Variants in NAV2 observed in about 807,000 individuals in gnomAD.
NAV2 encodes neuron navigator 2.
A neutral mutation model predicts 223.2 loss-of-function variants in NAV2; 54 were observed. That is an observed-to-expected ratio of 0.24 (90% CI 0.19 to 0.30). The LOEUF is 0.30. NAV2 is among the 10% of genes least tolerant of loss of function. The pLI is 1.00. For missense variants in NAV2, 2,806 were observed against 3,147.5 expected, an observed-to-expected ratio of 0.89 and a Z score of 2.60; for synonymous variants, 1,279 against 1,239.3, an observed-to-expected ratio of 1.03 and a Z score of -0.67.
chr11:20,118,630 G>A lies in NAV2; in HGVS notation c.*372G>A. 5.7e-6 allele frequency: 1 copy of A among 174,958 alleles called. No individual in the cohort carries two copies. Among genetic ancestry groups the A allele is most frequent in the Non-Finnish European group, 1.2e-5 (1 of 83,314 alleles). 10.8% of individuals were successfully genotyped at this position (174,958 alleles called of 1,614,324 possible). On this transcript the variant is annotated 3_prime_UTR_variant, in exon 38 of 38. Transcript: ENST00000349880. ...CCACATGAAGCTCTGAAACCAAACAGCATCCTGCCATGAGCTTCCCAGAGA... is the reference window on the plus strand; with the variant it reads ...CCACATGAAGCTCTGAAACCAAACAACATCCTGCCATGAGCTTCCCAGAGA...
intron 1 of NAV2, among the ~76,000 whole-genome samples, chr11:19,585,807 G>T (rs564825304): frequency 5.5e-4 from 84 of 152,236 alleles, no homozygotes; most frequent in Non-Finnish European, 9.9e-4. Flanking sequence ...CTGGCTGCCC[G>T]TAACATTTTT....
chr11:19,689,397 A>G (rs1053459821), intron 1 of NAV2, among the ~76,000 whole-genome samples: 3 of 152,224 alleles, frequency 2.0e-5, no homozygotes, highest in African/African-American at 7.2e-5. Context: ...GTTGGGGAAG[A>G]GGACTGCAAG....
At chr11:19,902,587 C>T (rs1162689825) in intron 6 of NAV2, among the ~76,000 whole-genome samples, 1 of 152,188 alleles carries the variant, frequency 6.6e-6, no homozygotes, top group Non-Finnish European at 1.5e-5. Context: ...AGTTGATGTT[C>T]ATCCGATCTT....
Position 20,095,798 on chromosome 11 carries a change from A to G in NAV2, c.6012+31A>G, listed in dbSNP as rs769512690. 5 of 1,529,242 alleles carry G rather than the reference A, an allele frequency of 3.3e-6. No individual in the cohort carries two copies. In the South Asian group the frequency reaches 5.6e-5, roughly 17 times the overall value. The allele number at this position is 1,529,242 out of a possible 1,614,324, so 94.7% of individuals were successfully genotyped here. On this transcript the variant is annotated intron_variant, in intron 30 of 37. Transcript: ENST00000349880. ...TGTTTCAAGACAACGGCTACAGCAT[A>G]CTACCTAACATGGGCATCCGGGCCT...
chr11:19,442,471 G>A (rs189816237), intron 1 of NAV2, among the ~76,000 whole-genome samples: 188 of 152,354 alleles, frequency 1.2e-3, no homozygotes, highest in African/African-American at 4.0e-3. Flanking sequence ...ACACAGAGGA[G>A]GGCTTTCCCC....
intron 1 of NAV2, chr11:19,506,171 A>C (rs2043117939): frequency 6.6e-6 from 1 of 152,320 alleles, no homozygotes. Flanking sequence ...TGTATCACCC[A>C]GTCCTAATGG....
At chr11:19,768,012 G>T (rs1471813186) in intron 1 of NAV2, among the ~76,000 whole-genome samples, 1 of 152,240 alleles carries the variant, frequency 6.6e-6, no homozygotes, top group Non-Finnish European at 1.5e-5. Context: ...AGCTCTAAGA[G>T]CTAAGGGTTC....
At chr11:19,715,430 G>A (rs562026613) in intron 1 of NAV2, among the ~76,000 whole-genome samples, 4 of 152,232 alleles carry the variant, frequency 2.6e-5, no homozygotes, top group African/African-American at 9.6e-5. Flanking sequence ...TCTGCATGGG[G>A]TTTCCCTTCA....
At position 19,933,005 on chromosome 11, in the gene NAV2, G is replaced by A. The variant is rs2045529502; in HGVS notation, c.932-171G>A. On this transcript the variant is annotated intron_variant, in intron 6 of 37. Coordinates refer to ENST00000349880, the MANE Select transcript of NAV2 (RefSeq NM_145117.5). This position sits in a 1 kb window ranked among gnomAD's most constrained non-coding sequence, Gnocchi z 4.3. ...AACTGTGCAGTATGGAAAGCAGGAG[G>A]AAGTCAAGCCAGAAATTAAAACCTA... Among the ~76,000 whole-genome samples the A allele has an allele frequency of 1.3e-5, 2 of 152,316 alleles. No homozygotes were observed. The highest frequency in any genetic ancestry group is 4.1e-4 in the South Asian group (2 of 4,824).
intron 8 of NAV2, among the ~76,000 whole-genome samples, chr11:19,941,092 G>A (rs1332209877): frequency 6.6e-6 from 1 of 152,166 alleles, no homozygotes; most frequent in Non-Finnish European, 1.5e-5. Flanking sequence ...GTCAGATGCT[G>A]AGTCTCAGCA....
intron 20 of NAV2, 25 bp from the exon 21 acceptor site, chr11:20,068,161 A>C (rs111771679): frequency 9.9e-6 from 16 of 1,612,066 alleles, no homozygotes; most frequent in Non-Finnish European, 1.4e-5. Context: ...TAACTGGTCT[A>C]ATTTCCTTTA....
At chr11:19,787,268 A>ATTTTTTT (rs1565315820) in intron 1 of NAV2, among the ~76,000 whole-genome samples, 2 of 29,404 alleles carry the variant, frequency 6.8e-5, no homozygotes, top group African/African-American at 2.7e-4. Context: ...TTTTTATTGG[A>ATTTTTTT]TCTTTTTTTT....
At chr11:20,112,654 A>G (rs1436302359) in intron 36 of NAV2, among the ~76,000 whole-genome samples, 2 of 152,136 alleles carry the variant, frequency 1.3e-5, no homozygotes, top group East Asian at 1.9e-4. Flanking sequence ...CGTGGCTCAC[A>G]TGACTCAGAG....
chr11:19,431,437 C>CA (rs1590192584), intron 1 of NAV2, among the ~76,000 whole-genome samples: 1 of 152,234 alleles, frequency 6.6e-6, no homozygotes, highest in East Asian at 1.9e-4. Context: ...CCACTGAGCA[C>CA]AGAAGCCACA....
chr11:19,763,595 T>C (rs946152083), intron 1 of NAV2, among the ~76,000 whole-genome samples: 2 of 152,104 alleles, frequency 1.3e-5, no homozygotes, highest in Admixed American at 1.3e-4. Flanking sequence ...TGGAAGTGAA[T>C]GAATTAGGCT....
At chr11:20,110,439 G>T (rs746940753) in intron 36 of NAV2, among the ~76,000 whole-genome samples, 1 of 152,148 alleles carries the variant, frequency 6.6e-6, no homozygotes, top group South Asian at 2.1e-4. Context: ...ACCATTAGGG[G>T]CCCGACGTGC....
At chr11:19,917,212 C>T (rs1298224661) in intron 6 of NAV2, among the ~76,000 whole-genome samples, 1 of 152,184 alleles carries the variant, frequency 6.6e-6, no homozygotes, top group African/African-American at 2.4e-5. Flanking sequence ...TGCCTCCAGC[C>T]TTTCTGTGAA....
chr11:19,636,547 A>G (rs1960141), intron 1 of NAV2, among the ~76,000 whole-genome samples: 149,604 of 150,480 alleles, frequency 0.99, 74,370 homozygotes, highest in Middle Eastern at 1. Context: ...CTGGAGTGCA[A>G]TGGCGTGATC....
rs145381158 is a variant in NAV2 at position 19,637,911 on chromosome 11, G to T, written c.76-194573G>T. ...GGCATTTTGTTCTCTTTATTTCCAGGTATCTTCTTAGGGTAGGCCAGTGAG... is the reference window on the plus strand; with the variant it reads ...GGCATTTTGTTCTCTTTATTTCCAGTTATCTTCTTAGGGTAGGCCAGTGAG... On this transcript the variant is annotated intron_variant, in intron 1 of 37. Transcript: ENST00000360655. Among the ~76,000 whole-genome samples the T allele has an allele frequency of 4.7e-4, 71 of 152,302 alleles. No individual in the cohort carries two copies. The East Asian group carries it at 0.012, about 26-fold the overall frequency.
Sources: allele counts gnomAD v4.1 joint callset (sites outside exome capture counted in the v4.1 genomes callset), GRCh38; gene constraint gnomAD v4.1.1; non-coding constraint Gnocchi (gnomAD v3.1); transcripts MANE v1.5; gene names NCBI Gene and HGNC (gene_info 2026-07-23, HGNC 2026-07-21).